MAGED1: variants seen among roughly 807,000 people sequenced by gnomAD.
MAGED1 encodes the protein MAGE family member D1.
MAGED1 carries 3 observed loss-of-function variants against 54.1 expected under a neutral mutation model. The ratio of observed to expected loss-of-function variants is 0.06; its 90% confidence interval spans 0.03 to 0.14. The LOEUF is 0.14. MAGED1 is among the 10% of genes least tolerant of loss of function. The pLI, the probability that MAGED1 is intolerant of heterozygous loss-of-function variation, is 1.00. For synonymous variants in MAGED1, 217 were observed against 227.3 expected (o/e 0.95, Z 0.41); for missense variants, 485 against 623.4 (o/e 0.78, Z 2.36).
chrX:51,803,309 G>T (rs781934071), intron 1 of MAGED1, among the ~76,000 whole-genome samples: 1 of 110,518 alleles, frequency 9.0e-6, no homozygotes, highest in African/African-American at 3.3e-5. Flanking sequence ...GAGATGGGGG[G>T]CCCGCTCCTG....
intron 1 of MAGED1, among the ~76,000 whole-genome samples, chrX:51,812,449 A>G (rs1925253834): frequency 9.0e-6 from 1 of 111,051 alleles, no homozygotes; most frequent in Non-Finnish European, 1.9e-5. Flanking sequence ...CCACTAATAT[A>G]CTCTCTGTCT....
intron 1 of MAGED1, among the ~76,000 whole-genome samples, chrX:51,840,402 C>T (rs916731923): frequency 1.8e-5 from 2 of 109,712 alleles, no homozygotes; most frequent in Non-Finnish European, 3.8e-5. Context: ...GTTTGAGAAC[C>T]GCTGCTCAAG....
At chrX:51,852,495 G>A (rs1390316137) in intron 1 of MAGED1, among the ~76,000 whole-genome samples, 1 of 111,691 alleles carries the variant, frequency 9.0e-6, no homozygotes, top group Non-Finnish European at 1.9e-5. Context: ...ACTGAAACAG[G>A]CATTAATTTC....
rs190165406 is a variant in MAGED1 at position 51,835,368 on chromosome X, G to T, written c.-37+32251G>T. Among the ~76,000 whole-genome samples the T allele has an allele frequency of 3.6e-5, 4 of 110,502 alleles. No homozygotes were observed. In the East Asian group the frequency reaches 8.5e-4, roughly 24 times the overall value. ...ACATGAATATCTCATGTAATTTATTGAATACTGTGCTGAAAGTGAAAAGCA... is the reference window on the plus strand; with the variant it reads ...ACATGAATATCTCATGTAATTTATTTAATACTGTGCTGAAAGTGAAAAGCA... On this transcript the variant is annotated intron_variant, in intron 1 of 12. Coordinates refer to the MAGED1 transcript ENST00000375772.
In MAGED1 at chrX:51,898,287, G is replaced by C. The variant is rs782610849; in HGVS notation, c.1741G>C (p.Val581Leu). The change falls in exon 9 of 13, where the codon GTC (valine) becomes CTC (leucine). Residue 581 changes from valine to leucine, a missense_variant and splice_region_variant. This residue lies in a region of MAGED1 where 186 missense variants were observed against 330.3 expected (regional missense o/e 0.56). Coordinates refer to ENST00000326587, the MANE Select transcript of MAGED1 (RefSeq NM_006986.4). ...FMNGNRASEAVLWEALRKMGL... is the reference protein window; with the variant it reads ...FMNGNRASEALLWEALRKMGL... Reference sequence around the variant, plus strand: ...TCTCCCCTTGCCTCCCATTGCAGCTGTCCTCTGGGAGGCACTACGCAAGAT... The same window carrying C: ...TCTCCCCTTGCCTCCCATTGCAGCTCTCCTCTGGGAGGCACTACGCAAGAT... The C allele has an allele frequency of 2.5e-6, 3 of 1,210,703 alleles. No homozygotes were observed. Among genetic ancestry groups the C allele is most frequent in the Non-Finnish European group, 3.4e-6 (3 of 894,784 alleles).
intron 1 of MAGED1, among the ~76,000 whole-genome samples, chrX:51,816,907 TTAC>T (rs781879841): frequency 4.5e-5 from 5 of 111,659 alleles, no homozygotes; most frequent in African/African-American, 1.6e-4. Flanking sequence ...ATGACCTTAA[TTAC>T]TACTGGGGCT....
At chrX:51,857,626 T>C (rs782818961) in intron 1 of MAGED1, 1 of 112,137 alleles carries the variant, frequency 8.9e-6, no homozygotes, top group Non-Finnish European at 1.9e-5. Context: ...GGAAATGTTT[T>C]TAATCTAGAG....
intron 1 of MAGED1, among the ~76,000 whole-genome samples, chrX:51,864,171 T>TGAGA (rs781864704): frequency 1.2e-4 from 12 of 100,263 alleles, no homozygotes; most frequent in African/African-American, 2.9e-4. Flanking sequence ...TTGAGGGGTG[T>TGAGA]GAGAGAGAGA....
At chrX:51,843,240 G>A (rs1429358343) in intron 1 of MAGED1, among the ~76,000 whole-genome samples, 1 of 111,532 alleles carries the variant, frequency 9.0e-6, no homozygotes, top group African/African-American at 3.3e-5. Context: ...CCCTAAAGGT[G>A]TTCACATTCT....
At chrX:51,866,947 A>G (rs1334991363) in intron 1 of MAGED1, among the ~76,000 whole-genome samples, 2 of 112,238 alleles carry the variant, frequency 1.8e-5, no homozygotes, top group African/African-American at 3.2e-5. Flanking sequence ...GAGAATTTAT[A>G]TGATTTCATT....
At chrX:51,809,880 C>A (rs1159627967) in intron 1 of MAGED1, among the ~76,000 whole-genome samples, 2 of 111,515 alleles carry the variant, frequency 1.8e-5, no homozygotes, top group Non-Finnish European at 3.8e-5. Flanking sequence ...ACTGGAATTA[C>A]TTTATAAAGA....
intron 1 of MAGED1, among the ~76,000 whole-genome samples, chrX:51,808,523 A>T (rs1557355297): frequency 8.9e-6 from 1 of 111,900 alleles, no homozygotes; most frequent in South Asian, 3.7e-4. Context: ...AGCCTGGGCA[A>T]CAAAGTGAGA....
intron 1 of MAGED1, among the ~76,000 whole-genome samples, chrX:51,873,741 T>TTCCTTGG (rs1376466923): frequency 7.8e-4 from 87 of 111,361 alleles, no homozygotes; most frequent in African/African-American, 2.8e-3. Flanking sequence ...TATTTTTTTG[T>TTCCTTGG]TCCTTGGTCC....
Position 51,895,630 on chromosome X carries a change from C to T in MAGED1, c.623C>T (p.Ser208Phe). 2.5e-6 allele frequency: 3 copies of T among 1,211,028 alleles called. No individual in the cohort carries two copies. Among genetic ancestry groups the T allele is most frequent in the Non-Finnish European group, 3.4e-6 (3 of 895,095 alleles). The change falls in exon 3 of 13, where the codon TCC becomes TTC. Residue 208 changes from serine to phenylalanine, a missense_variant. Around this residue, in one of 2 missense-constraint regions of MAGED1, gnomAD observed 299 missense variants for 293.1 expected, o/e 1.02. Coordinates refer to ENST00000326587, the MANE Select transcript of MAGED1 (RefSeq NM_006986.4). ...QNVNQAKMATSQADIETDPGI... is the reference protein window; with the variant it reads ...QNVNQAKMATFQADIETDPGI... ...GTAAATCAGGCCAAAATGGCCACTT[C>T]CCAGGCTGACATAGAGACCGACCCA...
At chrX:51,803,314 C>T (rs1264156158) in intron 1 of MAGED1, among the ~76,000 whole-genome samples, 2 of 110,676 alleles carry the variant, frequency 1.8e-5, no homozygotes, top group Admixed American at 1.9e-4. Flanking sequence ...GGGGGGCCCG[C>T]TCCTGCCTCA....
intron 1 of MAGED1, among the ~76,000 whole-genome samples, chrX:51,861,902 G>A (rs956661757): frequency 9.9e-5 from 11 of 111,375 alleles, no homozygotes; most frequent in African/African-American, 3.3e-4. Flanking sequence ...GGCTGGTTTC[G>A]AACTCCTGAC....
rs782514914 is a variant in MAGED1, at chrX:51,878,200, C to G, written c.-36-16069C>G. On this transcript the variant is annotated intron_variant, in intron 1 of 12. Transcript: ENST00000375772. ...AGGTTCTACTTGCAGGCTTCCTCCC[C>G]TTGTCTCTTCTGATAACCTTCTGCT... Among the ~76,000 whole-genome samples the G allele has an allele frequency of 3.6e-5, 4 of 111,418 alleles. No individual in the cohort carries two copies. The East Asian group carries it at 1.1e-3, about 31-fold the overall frequency.
chrX:51,847,040 A>G (rs1294754536), intron 1 of MAGED1, among the ~76,000 whole-genome samples: 1 of 112,763 alleles, frequency 8.9e-6, no homozygotes, highest in Non-Finnish European at 1.9e-5. Flanking sequence ...TTCTTAAACA[A>G]ACAAATATGT....
chrX:51,850,886 G>C, intron 1 of MAGED1, among the ~76,000 whole-genome samples: 2 of 111,103 alleles, frequency 1.8e-5, no homozygotes, highest in South Asian at 7.7e-4. Flanking sequence ...GGCGACAAGA[G>C]TGAAACTCCA....
Sources: allele counts gnomAD v4.1 joint callset (sites outside exome capture counted in the v4.1 genomes callset), GRCh38; gene constraint gnomAD v4.1.1; regional missense constraint gnomAD v4.1.1; transcripts MANE v1.5; gene names NCBI Gene and HGNC (gene_info 2026-07-23, HGNC 2026-07-21).